The following MLXIPL variants were observed in gnomAD, a reference collection of about 807,000 sequenced individuals.
MLXIPL encodes carbohydrate-responsive element-binding protein.
MLXIPL carries 49 observed loss-of-function variants against 81.5 expected under a neutral mutation model. The observed-to-expected ratio is 0.60, with a 90% CI of 0.48 to 0.76. The LOEUF (loss-of-function observed/expected upper bound fraction) is 0.76. Among genes scored for constraint, MLXIPL ranks in the 30% least tolerant of loss-of-function variants. The probability of loss-of-function intolerance (pLI) is 0.00; values close to 1 mark genes in which losing one functional copy is unlikely to be tolerated. For synonymous variants in MLXIPL, 466 were observed against 485.5 expected (o/e 0.96, Z 0.53); for missense variants, 1,053 against 1,167.0 (o/e 0.90, Z 1.42).
chr7:73,621,847 C>T lies in MLXIPL; in HGVS notation c.293+2353G>A, dbSNP rs1284541654. Among the ~76,000 whole-genome samples the T allele has an allele frequency of 2.2e-5, 2 of 91,248 alleles. 1 individual carries two copies. The highest frequency in any genetic ancestry group is 8.3e-5 in the African/African-American group (2 of 24,016). 59.9% of individuals were successfully genotyped at this position (91,248 alleles called of 152,430 possible). A position where few individuals can be genotyped will look rare whatever the true frequency, so the allele number is the denominator to read the frequency against. On this transcript the variant is annotated intron_variant, in intron 1 of 16. Transcript: ENST00000313375. ...CCTCCGTCTCCCTCCCTCCATCTCC[C>T]TCCCTCCCTCCTTCTCCCTCCCTCC...
chr7:73,624,482 G>T lies in MLXIPL; in HGVS notation c.11C>A (p.Ala4Glu). 1 of 1,528,608 alleles carries T rather than the reference G, an allele frequency of 6.5e-7. No individual in the cohort carries two copies. The highest frequency in any genetic ancestry group is 2.0e-5 in the Admixed American group (1 of 50,776). The allele number at this position is 1,528,608 out of a possible 1,614,324, so 94.7% of individuals were successfully genotyped here. MAG[A>E]LAGLAAGLQV... ...CAAGCCCGCGGCCAGACCTGCCAGC[G>T]CGCCGGCCATGGCTGTCGCCGCCGC... The change falls in exon 1 of 17, where the codon GCG becomes GAG. Residue 4 changes from alanine (A) to glutamate (E), a missense_variant. Transcript: ENST00000313375.
In MLXIPL at chr7:73,594,376, C is replaced by CA. The variant is rs1554592954; in HGVS notation, c.2337dup (p.Glu780Ter). 6.2e-7 allele frequency: 1 copy of CA among 1,606,170 alleles called. No individual in the cohort carries two copies. The highest frequency in any genetic ancestry group is 1.7e-5 in the Admixed American group (1 of 60,018). On this transcript the variant is annotated frameshift_variant, in exon 16 of 17. Transcript: ENST00000313375. LOFTEE classifies it high-confidence loss of function. ...GTGGACACCATCCCGTTGAAGGACT[C>CA]AAACAGAGGCCGGATGAGGATGCTG...
chr7:73,628,497 G>C (rs1264970952), upstream of MLXIPL, among the ~76,000 whole-genome samples: 1 of 152,200 alleles, frequency 6.6e-6, no homozygotes, highest in Non-Finnish European at 1.5e-5. Context: ...CACAGATTCT[G>C]ATTTCTCCTG....
chr7:73,626,192 C>T (rs1180512638), upstream of MLXIPL, among the ~76,000 whole-genome samples: 1 of 152,046 alleles, frequency 6.6e-6, no homozygotes, highest in Non-Finnish European at 1.5e-5. Context: ...TTAGTAGAGA[C>T]GAGGTTTCTC....
At chr7:73,638,797 A>G in the MLXIPL span, among the ~76,000 whole-genome samples, 1 of 151,142 alleles carries the variant, frequency 6.6e-6, no homozygotes, top group Non-Finnish European at 1.5e-5. Context: ...TAATTTTTGT[A>G]TTTTTAGTAG....
chr7:73,608,983 A>G (rs1334480321), intron 2 of MLXIPL, among the ~76,000 whole-genome samples: 2 of 151,570 alleles, frequency 1.3e-5, no homozygotes, highest in African/African-American at 4.8e-5. Context: ...TAATTTTTAA[A>G]TTTTTTGTAG....
intron 7 of MLXIPL, among the ~76,000 whole-genome samples, chr7:73,602,162 T>C (rs1794914310): frequency 6.8e-6 from 1 of 148,134 alleles, no homozygotes; most frequent in Non-Finnish European, 1.5e-5. Context: ...CTTCCTTCCT[T>C]CCTTTCTTTC....
the MLXIPL span, among the ~76,000 whole-genome samples, chr7:73,630,539 T>C: frequency 6.6e-6 from 1 of 151,564 alleles, no homozygotes; most frequent in East Asian, 1.9e-4. Context: ...GCAATCCTCC[T>C]GCCTTGGTCT....
At chr7:73,602,711 G>A (rs1794981366) in intron 7 of MLXIPL, among the ~76,000 whole-genome samples, 1 of 152,096 alleles carries the variant, frequency 6.6e-6, no homozygotes, top group Admixed American at 6.5e-5. Context: ...GAGATGGCGA[G>A]TGGTCACTGC....
intron 7 of MLXIPL, 146 bp from the exon 8 acceptor site, chr7:73,599,841 A>T: frequency 1.3e-6 from 1 of 744,868 alleles, no homozygotes; most frequent in South Asian, 1.8e-5. Context: ...TCCACAGAAG[A>T]TTGTGAAACT....
At chr7:73,615,844 C>T (rs113571450) in intron 2 of MLXIPL, among the ~76,000 whole-genome samples, 6,475 of 142,786 alleles carry the variant, frequency 0.045, 520 homozygotes, top group African/African-American at 0.16. Context: ...ACCTGGGAGG[C>T]GGAAGTTGCA....
chr7:73,624,653 G>A (rs554024670), upstream of MLXIPL: 469 of 1,309,328 alleles, frequency 3.6e-4, 3 homozygotes, highest in African/African-American at 6.5e-3. Context: ...TAATCCTTAC[G>A]CCAGGTGAGA....
intron 1 of MLXIPL, among the ~76,000 whole-genome samples, chr7:73,621,864 C>A (rs1358661528): frequency 4.0e-5 from 4 of 99,604 alleles, no homozygotes; most frequent in Admixed American, 9.6e-5. Context: ...CCTCCTTCTC[C>A]CTCCCTCCTC....
Position 73,623,346 on chromosome 7 carries a change from T to G in MLXIPL, c.293+854A>C, listed in dbSNP as rs1213861046. ...CGGGTTTTCGGTTGATAATTTATAC[T>G]GGCCCCTCAACTCCGGGGAACTTTG... On this transcript the variant is annotated intron_variant, in intron 1 of 16. Transcript: ENST00000313375. The surrounding 1 kb of genome is among the most constrained non-coding windows in gnomAD (Gnocchi z 5.7). 6.6e-6 allele frequency among the ~76,000 whole-genome samples: 1 copy of G among 152,258 alleles called. No homozygotes were observed. The highest frequency in any genetic ancestry group is 2.4e-5 in the African/African-American group (1 of 41,470).
At chr7:73,602,110 G>GCCTTCCTT (rs1280725127) in intron 7 of MLXIPL, among the ~76,000 whole-genome samples, 26 of 71,546 alleles carry the variant, frequency 3.6e-4, no homozygotes, top group African/African-American at 1.2e-3. Context: ...CTGCCTGCCT[G>GCCTTCCTT]CCTGCCTGCC....
rs1795369354 is a variant in MLXIPL, at chr7:73,607,353, C to T, written c.551G>A (p.Trp184Ter). The T allele has an allele frequency of 1.3e-6, 2 of 1,566,966 alleles. No homozygotes were observed. The highest frequency in any genetic ancestry group is 1.7e-6 in the Non-Finnish European group (2 of 1,155,506). Reference sequence around the variant, plus strand: ...GACCCGCTTCTTGTAGTAGATGCGCCACTTGTGGTATTCCCGCATCACCAC... The same window carrying T: ...GACCCGCTTCTTGTAGTAGATGCGCTACTTGTGGTATTCCCGCATCACCAC... ...IEVVMREYHK[W>*]RIYYKKRLRK... Residue 184 changes from tryptophan (W) to a stop codon, truncating the protein, a stop_gained, in exon 4 of 17, where the codon TGG becomes TAG. Transcript: ENST00000313375. LOFTEE classifies it high-confidence loss of function.
chr7:73,596,112 C>T lies in MLXIPL; in HGVS notation c.2058+41G>A, dbSNP rs13247874. ...TGGGTGGGGGGGGTCCAGAAAGGGG[C>T]CCTGTGGTTTTGGGGGTGCCAGCCT... On this transcript the variant is annotated intron_variant, in intron 13 of 16. Transcript: ENST00000313375. This position sits in a 1 kb window ranked among gnomAD's most constrained non-coding sequence, Gnocchi z 4.7. 0.18 allele frequency: 282,744 copies of T among 1,605,758 alleles called. 26,324 individuals are homozygous for T. Among genetic ancestry groups the T allele is most frequent in the Non-Finnish European group, 0.19 (229,118 of 1,177,824 alleles).
At chr7:73,608,208 G>T (rs1795454847) in intron 2 of MLXIPL, among the ~76,000 whole-genome samples, 1 of 151,994 alleles carries the variant, frequency 6.6e-6, no homozygotes, top group Non-Finnish European at 1.5e-5. Context: ...CCTTCTCTGG[G>T]TTCCTCTGGA....
At chr7:73,621,153 C>T (rs1183253359) in intron 1 of MLXIPL, among the ~76,000 whole-genome samples, 2 of 151,938 alleles carry the variant, frequency 1.3e-5, no homozygotes, top group Non-Finnish European at 2.9e-5. Context: ...CAGCTGCCCA[C>T]CTCCCACCTT....
Sources: allele counts gnomAD v4.1 joint callset (sites outside exome capture counted in the v4.1 genomes callset), GRCh38; gene constraint gnomAD v4.1.1; non-coding constraint Gnocchi (gnomAD v3.1); transcripts MANE v1.5; gene names NCBI Gene and HGNC (gene_info 2026-07-23, HGNC 2026-07-21).